The following CEP135 variants were observed in gnomAD, a reference collection of about 807,000 sequenced individuals.
CEP135 encodes centrosomal protein of 135 kDa.
Under a neutral mutation model 157.3 loss-of-function variants are expected in CEP135, and 142 were observed. The observed-to-expected ratio is 0.90, with a 90% CI of 0.79 to 1.04. CEP135 has a LOEUF of 1.04. Ranked by LOEUF, CEP135 falls within the 50% of genes least tolerant of loss-of-function variation. The probability of loss-of-function intolerance (pLI) is 0.00; values close to 1 mark genes in which losing one functional copy is unlikely to be tolerated. For synonymous variants in CEP135, 396 were observed against 439.8 expected, an observed-to-expected ratio of 0.90 and a Z score of 1.25; for missense variants, 1,317 against 1,309.2, an observed-to-expected ratio of 1.01 and a Z score of -0.09.
At chr4:55,994,466 G>GAGCCTAGGAGTTCAAGGCTAC (rs1418234255) in intron 15 of CEP135, among the ~76,000 whole-genome samples, 1 of 151,996 alleles carries the variant, frequency 6.6e-6, no homozygotes. Context: ...AGGATTGCTT[G>GAGCCTAGGAGTTCAAGGCTAC]AGCCTAGGAG....
At chr4:56,031,089 G>A (rs747359168) in intron 25 of CEP135, among the ~76,000 whole-genome samples, 2 of 151,932 alleles carry the variant, frequency 1.3e-5, no homozygotes, top group Non-Finnish European at 2.9e-5. Context: ...CTATGATCAC[G>A]CCACTGCACT....
chr4:56,011,862 G>C lies in CEP135; in HGVS notation c.2679G>C (p.Trp893Cys). The stretch of plus-strand genomic sequence containing the variant: ...TGCTTCATAACCGTGCTGAAGACTG[G>C]GAGGTCAAAGCCCATCAAGCTGAGG... ...FQMLHNRAEDWEVKAHQAEGE... is the reference protein window; with the variant it reads ...FQMLHNRAEDCEVKAHQAEGE... Residue 893 changes from tryptophan to cysteine, a missense_variant, in exon 21 of 26, where the codon TGG becomes TGC. Physicochemically the swap from Trp to Cys is radical, Grantham distance 215. Coordinates refer to ENST00000257287, the MANE Select transcript of CEP135 (RefSeq NM_025009.5). 3 of 1,606,532 alleles carry C rather than the reference G, an allele frequency of 1.9e-6. No individual in the cohort carries two copies. Among genetic ancestry groups the C allele is most frequent in the Non-Finnish European group, 2.5e-6 (3 of 1,176,820 alleles).
chr4:55,957,120 G>T, intron 4 of CEP135, 103 bp from the exon 5 acceptor site: 2 of 1,192,466 alleles, frequency 1.7e-6, no homozygotes, highest in South Asian at 1.5e-5. Context: ...TATGTATTAT[G>T]AACTGCAGAC....
At chr4:55,988,859 G>A (rs1371961548) in intron 14 of CEP135, among the ~76,000 whole-genome samples, 1 of 151,220 alleles carries the variant, frequency 6.6e-6, no homozygotes, top group African/African-American at 2.4e-5. Context: ...TACTCGGGAG[G>A]CTGAGGCAGG....
At chr4:55,954,715 G>T (rs368596697) in intron 4 of CEP135, among the ~76,000 whole-genome samples, 1 of 151,950 alleles carries the variant, frequency 6.6e-6, no homozygotes, top group Non-Finnish European at 1.5e-5. Context: ...ACTCATTAAA[G>T]AATTTGGAAA....
intron 22 of CEP135, 124 bp downstream of exon 22, chr4:56,017,981 G>C: frequency 1.2e-6 from 1 of 831,510 alleles, no homozygotes. Flanking sequence ...TTTTTTTTGT[G>C]ATGGAGTTTT....
intron 17 of CEP135, 150 bp from the exon 18 acceptor site, chr4:56,008,177 G>T (rs1730422986): frequency 1.7e-6 from 1 of 583,240 alleles, no homozygotes. Flanking sequence ...GTATGATTGG[G>T]ACATGGAGAT....
At chr4:56,003,436 C>A (rs1421032920) in intron 17 of CEP135, among the ~76,000 whole-genome samples, 1 of 152,156 alleles carries the variant, frequency 6.6e-6, no homozygotes, top group Non-Finnish European at 1.5e-5. Flanking sequence ...TCTCAATCTC[C>A]TGACCTACTG....
rs1728545463 is a variant in CEP135, at chr4:55,957,488, C to T, written c.614+124C>T. 1.7e-5 allele frequency: 13 copies of T among 746,736 alleles called. No homozygotes were observed. The South Asian group carries it at 2.7e-4, about 16-fold the overall frequency. 46.3% of individuals were successfully genotyped at this position (746,736 alleles called of 1,614,324 possible). A position where few individuals can be genotyped will look rare whatever the true frequency, so the allele number is the denominator to read the frequency against. On this transcript the variant is annotated intron_variant, in intron 5 of 25. Coordinates refer to ENST00000257287, the MANE Select transcript of CEP135 (RefSeq NM_025009.5). ...CTCCAGTGTCTAGCACAGAACTTTGCACCGGCACTCAGTAAATACTTCCAG... is the reference window on the plus strand; with the variant it reads ...CTCCAGTGTCTAGCACAGAACTTTGTACCGGCACTCAGTAAATACTTCCAG...
chr4:55,981,429 T>A (rs139552983), intron 13 of CEP135, 50 bp downstream of exon 13: 473 of 1,504,410 alleles, frequency 3.1e-4, no homozygotes, highest in Non-Finnish European at 3.9e-4. Context: ...GAAAAAGAGG[T>A]CTTTGTATAT....
chr4:55,992,691 T>C (rs1460532479), intron 15 of CEP135, among the ~76,000 whole-genome samples: 1 of 152,158 alleles, frequency 6.6e-6, no homozygotes, highest in African/African-American at 2.4e-5. Context: ...GTAATGAACT[T>C]AGAGAACAGA....
At chr4:56,005,229 G>C (rs1730314564) in intron 17 of CEP135, among the ~76,000 whole-genome samples, 2 of 152,038 alleles carry the variant, frequency 1.3e-5, no homozygotes, top group Admixed American at 6.6e-5. Flanking sequence ...AGGATTGCTT[G>C]AGGCCACAAG....
At chr4:55,963,572 C>T (rs1277174915) in intron 6 of CEP135, among the ~76,000 whole-genome samples, 1 of 152,098 alleles carries the variant, frequency 6.6e-6, no homozygotes, top group Non-Finnish European at 1.5e-5. Flanking sequence ...ATGGTAAAAC[C>T]CCATCTCTAC....
intron 10 of CEP135, among the ~76,000 whole-genome samples, chr4:55,973,400 G>A (rs1040716343): frequency 3.3e-5 from 5 of 152,178 alleles, no homozygotes; most frequent in Non-Finnish European, 7.3e-5. Flanking sequence ...TTCATTCTGA[G>A]TGGATGATCC....
chr4:56,004,696 G>A (rs1730290949), intron 17 of CEP135, among the ~76,000 whole-genome samples: 1 of 151,924 alleles, frequency 6.6e-6, no homozygotes, highest in African/African-American at 2.4e-5. Context: ...TGACTTGTAG[G>A]CTACTTTATC....
chr4:56,006,102 C>T (rs1187115997), intron 17 of CEP135, among the ~76,000 whole-genome samples: 3 of 152,140 alleles, frequency 2.0e-5, no homozygotes, highest in African/African-American at 7.2e-5. Flanking sequence ...CTCTGACCTT[C>T]GTACACCAGG....
intron 17 of CEP135, among the ~76,000 whole-genome samples, chr4:56,000,061 T>C (rs1325923191): frequency 6.6e-6 from 1 of 151,738 alleles, no homozygotes; most frequent in Non-Finnish European, 1.5e-5. Context: ...TGTGGTGGTG[T>C]GCACCTGTGG....
intron 9 of CEP135, among the ~76,000 whole-genome samples, chr4:55,970,082 G>T (rs1275740802): frequency 6.6e-6 from 1 of 150,738 alleles, no homozygotes; most frequent in African/African-American, 2.5e-5. Context: ...ATGTTACCCA[G>T]GATGGTCTCA....
At chr4:55,952,316 C>A in intron 2 of CEP135, 73 bp downstream of exon 2, 1 of 879,534 alleles carries the variant, frequency 1.1e-6, no homozygotes, top group Non-Finnish European at 1.9e-6. Context: ...GAACTTCATG[C>A]TTTGGTAAAG....
Sources: allele counts gnomAD v4.1 joint callset (sites outside exome capture counted in the v4.1 genomes callset), GRCh38; gene constraint gnomAD v4.1.1; transcripts MANE v1.5; gene names NCBI Gene and HGNC (gene_info 2026-07-23, HGNC 2026-07-21).